ANKRD27: variants seen among roughly 807,000 people sequenced by gnomAD.
ANKRD27 encodes the protein ankyrin repeat domain-containing protein 27.
A neutral mutation model predicts 129.7 loss-of-function variants in ANKRD27; 112 were observed. The ratio of observed to expected loss-of-function variants is 0.86; its 90% CI spans 0.74 to 1.01. The LOEUF is 1.01. Among genes scored for constraint, ANKRD27 ranks in the 50% least tolerant of loss-of-function variants. The pLI is 0.00. For synonymous variants in ANKRD27, 516 were observed against 511.2 expected (o/e 1.01, Z -0.13); for missense variants, 1,258 against 1,300.5 (o/e 0.97, Z 0.50).
At chr19:32,652,623 A>G (rs148355535) in intron 2 of ANKRD27, among the ~76,000 whole-genome samples, 5,207 of 148,914 alleles carry the variant, frequency 0.035, 114 homozygotes, top group Middle Eastern at 0.081. Flanking sequence ...CAGGAGCTGC[A>G]TTTTATGAGG....
intron 2 of ANKRD27, among the ~76,000 whole-genome samples, chr19:32,657,418 C>A (rs1286733908): frequency 6.6e-6 from 1 of 150,916 alleles, no homozygotes; most frequent in Non-Finnish European, 1.5e-5. Flanking sequence ...GTCGAGATTG[C>A]GCCACTGCAC....
intron 16 of ANKRD27, 88 bp downstream of exon 16, chr19:32,626,624 G>A (rs758907233): frequency 6.1e-6 from 6 of 989,780 alleles, no homozygotes; most frequent in Non-Finnish European, 8.9e-6. Context: ...CAGGGGTGCA[G>A]GGTAGCCAGC....
intron 15 of ANKRD27, among the ~76,000 whole-genome samples, chr19:32,627,543 C>A (rs896598204): frequency 3.3e-5 from 5 of 151,802 alleles, no homozygotes; most frequent in Non-Finnish European, 7.4e-5. Context: ...GGATTATAGG[C>A]GTGACCACCA....
chr19:32,659,087 G>C, intron 1 of ANKRD27, 42 bp from the exon 2 acceptor site: 1 of 918,054 alleles, frequency 1.1e-6, no homozygotes, highest in Non-Finnish European at 1.8e-6. Context: ...CCATTTTCGA[G>C]TTTACGTAAC....
chr19:32,622,718 C>T (rs1284561862), intron 17 of ANKRD27, 99 bp from the exon 18 acceptor site: 13 of 1,066,300 alleles, frequency 1.2e-5, no homozygotes, highest in Non-Finnish European at 1.9e-5. Flanking sequence ...TGTGCAGTAA[C>T]AGACAGAACT....
At chr19:32,628,059 AG>A in intron 15 of ANKRD27, 23 bp downstream of exon 15, 1 of 1,610,906 alleles carries the variant, frequency 6.2e-7, no homozygotes, top group Non-Finnish European at 8.5e-7. Context: ...GACAGCCCCT[AG>A]GGGCCAGCCC....
intron 1 of ANKRD27, chr19:32,673,413 G>C (rs1317419429): frequency 3.0e-6 from 3 of 985,254 alleles, no homozygotes; most frequent in Non-Finnish European, 2.4e-6. Flanking sequence ...ACAACAAAGC[G>C]ATCTTTCCAG....
At chr19:32,633,748 G>A (rs964252742) in intron 12 of ANKRD27, among the ~76,000 whole-genome samples, 1 of 152,084 alleles carries the variant, frequency 6.6e-6, no homozygotes, top group African/African-American at 2.4e-5. Context: ...TTGAGCAGGT[G>A]TGGTGGCTCA....
chr19:32,649,734 T>C lies in ANKRD27; in HGVS notation c.161A>G (p.Glu54Gly). 1 of 1,614,048 alleles carries C rather than the reference T, an allele frequency of 6.2e-7. No homozygotes were observed. Among genetic ancestry groups the C allele is most frequent in the Non-Finnish European group, 8.5e-7 (1 of 1,179,994 alleles). The change falls in exon 3 of 29, where the codon GAG becomes GGG. Residue 54 changes from glutamate (E) to glycine (G), a missense_variant. Transcript: ENST00000306065. ...TTCCACAGGTATCAAAATGTAGGAC[T>C]CAAACTGACAAGTAGACTGGATGCT... is the stretch of plus-strand genomic sequence containing the variant. Reference protein sequence around the residue: ...SSSIQSTCQFESYILIPVEEH... With the variant: ...SSSIQSTCQFGSYILIPVEEH...
intron 22 of ANKRD27, among the ~76,000 whole-genome samples, chr19:32,610,604 C>T (rs1971821058): frequency 6.6e-6 from 1 of 151,686 alleles, no homozygotes; most frequent in South Asian, 2.1e-4. Flanking sequence ...CCAGCATGGC[C>T]AATATGGCAA....
At chr19:32,607,420 T>C (rs1156317108) in intron 23 of ANKRD27, among the ~76,000 whole-genome samples, 11 of 151,600 alleles carry the variant, frequency 7.3e-5, no homozygotes, top group Admixed American at 7.2e-4. Context: ...CAGATGGGAG[T>C]GGCAGTGGGG....
chr19:32,598,320 T>C lies in ANKRD27; in HGVS notation c.2978A>G (p.His993Arg). Residue 993 changes from histidine to arginine, a missense_variant, in exon 29 of 29, where the codon CAT (histidine) becomes CGT (arginine). Coordinates refer to ENST00000306065, the MANE Select transcript of ANKRD27 (RefSeq NM_032139.3). ...QNNLPAQSGS[H>R]AAEKGNSDWP... ...GTCGCTGTTGCCTTTCTCAGCAGCATGAGATCCACTCTGAGCTGGCAGGTT... is the reference window on the plus strand; with the variant it reads ...GTCGCTGTTGCCTTTCTCAGCAGCACGAGATCCACTCTGAGCTGGCAGGTT... 1 of 1,611,922 alleles carries C rather than the reference T, an allele frequency of 6.2e-7. No homozygotes were observed. Among genetic ancestry groups the C allele is most frequent in the Non-Finnish European group, 8.5e-7 (1 of 1,177,974 alleles).
rs758720368 is a variant in ANKRD27, at chr19:32,625,987, G to A, written c.1537-21C>T. The A allele has an allele frequency of 6.9e-6, 11 of 1,586,354 alleles. 1 individual carries two copies. Among genetic ancestry groups the A allele is most frequent in the South Asian group, 2.3e-5 (2 of 86,386 alleles). On this transcript the variant is annotated intron_variant, in intron 16 of 28. Coordinates refer to ENST00000306065, the MANE Select transcript of ANKRD27 (RefSeq NM_032139.3). Reference sequence around the variant, plus strand: ...AGCAGCTGCGGAGATAAAGGAAAGCGATGAGCAGGGCACAGCCGGCTCCCT... The same window carrying A: ...AGCAGCTGCGGAGATAAAGGAAAGCAATGAGCAGGGCACAGCCGGCTCCCT...
At chr19:32,660,886 C>T (rs917636179) in intron 1 of ANKRD27, among the ~76,000 whole-genome samples, 1 of 148,952 alleles carries the variant, frequency 6.7e-6, no homozygotes, top group Non-Finnish European at 1.5e-5. Flanking sequence ...ATTTATAGTT[C>T]TTTACACATC....
intron 12 of ANKRD27, chr19:32,638,251 G>A (rs79694852): frequency 0.023 from 3,561 of 152,356 alleles, 65 homozygotes; most frequent in South Asian, 0.077. Flanking sequence ...AAAAAACCCC[G>A]GACTCAGCCA....
intron 18 of ANKRD27, among the ~76,000 whole-genome samples, chr19:32,621,233 G>A (rs1052714557): frequency 6.6e-6 from 1 of 152,222 alleles, no homozygotes; most frequent in Non-Finnish European, 1.5e-5. Context: ...TGTAATGCCA[G>A]CACCCTGGGA....
Position 32,673,449 on chromosome 19 carries a change from A to G in ANKRD27, c.-31+1622T>C, listed in dbSNP as rs114091063. 1.8e-3 allele frequency: 1,760 copies of G among 985,350 alleles called. 23 individuals are homozygous for G. In the African/African-American group the frequency reaches 0.027, roughly 15 times the overall value. The allele number at this position is 985,350 out of a possible 1,614,324, so 61.0% of individuals were successfully genotyped here. ...CGCCGAGCTCTGCAGGATTCCTCAA[A>G]GGATTCCCCTGCACTCCCCACCAGG... On this transcript the variant is annotated intron_variant, in intron 1 of 28. Transcript: ENST00000306065.
At chr19:32,627,180 G>A (rs896454806) in intron 15 of ANKRD27, among the ~76,000 whole-genome samples, 5 of 151,996 alleles carry the variant, frequency 3.3e-5, no homozygotes. Flanking sequence ...CATAGTGCTA[G>A]GAGAAAAATA....
chr19:32,603,784 C>G (rs560907320), intron 25 of ANKRD27, among the ~76,000 whole-genome samples: 2 of 152,314 alleles, frequency 1.3e-5, no homozygotes, highest in Non-Finnish European at 1.5e-5. Flanking sequence ...AGTGATCCTC[C>G]TTCCTTGGCC....
Sources: allele counts gnomAD v4.1 joint callset (sites outside exome capture counted in the v4.1 genomes callset), GRCh38; gene constraint gnomAD v4.1.1; transcripts MANE v1.5; gene names NCBI Gene and HGNC (gene_info 2026-07-23, HGNC 2026-07-21).